SEC14L5: variants seen among roughly 807,000 people sequenced by gnomAD.
SEC14L5 encodes SEC14 like lipid binding 5, also known as SEC14-like protein 5.
SEC14L5 carries 96 observed loss-of-function variants against 84.6 expected under a neutral mutation model. The observed-to-expected ratio is 1.13, with a 90% CI of 0.96 to 1.34. SEC14L5 has a LOEUF of 1.34. Among genes scored for constraint, SEC14L5 ranks in the 40% most tolerant of loss-of-function variants. The probability of loss-of-function intolerance (pLI) is 0.00; values close to 1 mark genes in which losing one functional copy is unlikely to be tolerated. For synonymous variants in SEC14L5, 546 were observed against 383.4 expected (o/e 1.42, Z -4.95); for missense variants, 1,224 against 942.5 (o/e 1.30, Z -3.91).
chr16:4,962,050 T>G (rs1955128291), intron 2 of SEC14L5, among the ~76,000 whole-genome samples: 1 of 151,320 alleles, frequency 6.6e-6, no homozygotes, highest in South Asian at 2.1e-4. Context: ...AGGCATACAG[T>G]CATCCCCATT....
At chr16:4,971,090 C>G (rs1339493956) in intron 2 of SEC14L5, among the ~76,000 whole-genome samples, 1 of 122,362 alleles carries the variant, frequency 8.2e-6, no homozygotes, top group Non-Finnish European at 1.7e-5. Context: ...GGTGACAGAG[C>G]CAAAAAAAAA....
In SEC14L5 at chr16:5,011,093, A is replaced by T. The variant is rs762877457; in HGVS notation, c.1801-2A>T. 1 of 1,595,050 alleles carries T rather than the reference A, an allele frequency of 6.3e-7. No individual in the cohort carries two copies. Among genetic ancestry groups the T allele is most frequent in the East Asian group, 2.3e-5 (1 of 43,718 alleles). On this transcript the variant is annotated splice_acceptor_variant, in intron 14 of 15. Transcript: ENST00000251170. LOFTEE classifies it high-confidence loss of function. ...CCTCAGGGCAGGGCTGATGTGTTTC[A>T]GGGCTCCCATGTGACCCGGTGGCCC... is the stretch of plus-strand genomic sequence containing the variant.
At chr16:4,965,711 A>G (rs1374285407) in intron 2 of SEC14L5, among the ~76,000 whole-genome samples, 12 of 142,146 alleles carry the variant, frequency 8.4e-5, no homozygotes, top group African/African-American at 3.1e-4. Flanking sequence ...TGTGAATGGT[A>G]CCGGTTATTC....
At chr16:5,000,612 C>T (rs368874752) in intron 8 of SEC14L5, 43 bp from the exon 9 acceptor site, 7 of 1,468,776 alleles carry the variant, frequency 4.8e-6, no homozygotes, top group Admixed American at 2.0e-5. Context: ...AAGCAGTCCT[C>T]TAAATAACGG....
intron 6 of SEC14L5, among the ~76,000 whole-genome samples, chr16:4,994,736 CTG>C (rs1031221169): frequency 6.6e-6 from 1 of 151,526 alleles, no homozygotes; most frequent in Non-Finnish European, 1.5e-5. Context: ...TGCACGCTCT[CTG>C]TGGCCTGGTC....
At chr16:5,005,267 A>T (rs893757663) in intron 11 of SEC14L5, among the ~76,000 whole-genome samples, 1 of 151,824 alleles carries the variant, frequency 6.6e-6, no homozygotes, top group Admixed American at 6.6e-5. Context: ...GTGAGCCAAG[A>T]TTGCGCCATT....
chr16:4,961,626 G>A (rs1044008164), intron 2 of SEC14L5, among the ~76,000 whole-genome samples: 2 of 152,138 alleles, frequency 1.3e-5, no homozygotes, highest in Non-Finnish European at 2.9e-5. Flanking sequence ...ACTGCATCCG[G>A]CCCCTATTCA....
At chr16:4,995,560 A>G (rs1388277910) in intron 6 of SEC14L5, among the ~76,000 whole-genome samples, 1 of 151,312 alleles carries the variant, frequency 6.6e-6, no homozygotes, top group South Asian at 2.1e-4. Context: ...GGTGCACAAC[A>G]TGCATTTACT....
intron 15 of SEC14L5, 129 bp downstream of exon 15, chr16:5,011,402 T>A: frequency 1.1e-6 from 1 of 909,124 alleles, no homozygotes; most frequent in Non-Finnish European, 1.7e-6. Context: ...ATGGGTATGG[T>A]TGGAGTTCTC....
intron 8 of SEC14L5, among the ~76,000 whole-genome samples, chr16:4,999,983 T>C (rs1955657106): frequency 6.6e-6 from 1 of 151,894 alleles, no homozygotes; most frequent in South Asian, 2.1e-4. Context: ...AGGTTATATA[T>C]TGATTGGTTG....
chr16:4,963,941 C>T (rs1460866617), intron 2 of SEC14L5, among the ~76,000 whole-genome samples: 3 of 152,268 alleles, frequency 2.0e-5, no homozygotes, highest in Non-Finnish European at 4.4e-5. Flanking sequence ...CCCACCCTGG[C>T]CTCCCAAAGG....
At chr16:4,965,167 C>G (rs1955182122) in intron 2 of SEC14L5, among the ~76,000 whole-genome samples, 1 of 152,136 alleles carries the variant, frequency 6.6e-6, no homozygotes, top group Admixed American at 6.5e-5. Flanking sequence ...TAAGGTTCAT[C>G]CACATCTTAG....
chr16:4,975,383 G>C (rs1411785001), intron 2 of SEC14L5, among the ~76,000 whole-genome samples: 4 of 140,782 alleles, frequency 2.8e-5, no homozygotes, highest in Non-Finnish European at 4.5e-5. Flanking sequence ...TGAGGCAGAA[G>C]AATGGCGTGA....
intron 14 of SEC14L5, among the ~76,000 whole-genome samples, chr16:5,009,116 A>C (rs992316575): frequency 6.6e-5 from 10 of 152,156 alleles, no homozygotes; most frequent in Admixed American, 5.9e-4. Flanking sequence ...GGAGGGGTTC[A>C]TTCTATGCCT....
intron 8 of SEC14L5, among the ~76,000 whole-genome samples, chr16:4,997,906 C>G (rs1219169538): frequency 6.6e-6 from 1 of 151,928 alleles, no homozygotes; most frequent in African/African-American, 2.4e-5. Context: ...TCATAAGGAC[C>G]CCAGGAGATT....
At chr16:5,012,378 A>G (rs935076670) in intron 15 of SEC14L5, among the ~76,000 whole-genome samples, 10 of 152,160 alleles carry the variant, frequency 6.6e-5, no homozygotes, top group African/African-American at 2.4e-4. Flanking sequence ...GGTGGTCACC[A>G]TGAGAGGACC....
chr16:5,002,934 A>C (rs148458637), intron 10 of SEC14L5, among the ~76,000 whole-genome samples: 1 of 152,234 alleles, frequency 6.6e-6, no homozygotes, highest in Non-Finnish European at 1.5e-5. Flanking sequence ...TTTTGCAATC[A>C]GACCTTGGTG....
At position 5,003,433 on chromosome 16, in the gene SEC14L5, C is replaced by G; in HGVS notation, c.1162C>G (p.Leu388Val). ...SWTCLLDLEG[L>V]NMRHLWRPGV... Reference sequence around the variant, plus strand: ...GACCTGCCTGCTAGACCTGGAGGGACTCAACATGCGGCACCTGTGGCGGCC... The same window carrying G: ...GACCTGCCTGCTAGACCTGGAGGGAGTCAACATGCGGCACCTGTGGCGGCC... The change falls in exon 11 of 16, where the codon CTC becomes GTC. Residue 388 changes from leucine to valine, a missense_variant. Coordinates refer to ENST00000251170, the MANE Select transcript of SEC14L5 (RefSeq NM_014692.2). 1 of 1,613,476 alleles carries G rather than the reference C, an allele frequency of 6.2e-7. No individual in the cohort carries two copies. The highest frequency in any genetic ancestry group is 8.5e-7 in the Non-Finnish European group (1 of 1,179,788).
rs549249358 is a variant in SEC14L5 at position 4,980,812 on chromosome 16, A to T, written c.64-6745A>T. ...AGGACCAGCATGGATGAGGCCCTGA[A>T]GCCTGAGCGTCTCCTTGGCCCAAAT... On this transcript the variant is annotated intron_variant, in intron 2 of 15. Coordinates refer to ENST00000251170, the MANE Select transcript of SEC14L5 (RefSeq NM_014692.2). Among the ~76,000 whole-genome samples, 24 of 152,284 alleles carry T rather than the reference A, an allele frequency of 1.6e-4. 1 individual carries two copies. In the South Asian group the frequency reaches 4.6e-3, roughly 29 times the overall value.
Sources: allele counts gnomAD v4.1 joint callset (sites outside exome capture counted in the v4.1 genomes callset), GRCh38; gene constraint gnomAD v4.1.1; transcripts MANE v1.5; gene names NCBI Gene and HGNC (gene_info 2026-07-23, HGNC 2026-07-21).